CCNH: variants seen among roughly 807,000 people sequenced by gnomAD.
The protein encoded by CCNH is cyclin-H.
Under a neutral mutation model 41.9 loss-of-function variants are expected in CCNH, and 31 were observed. The ratio of observed to expected loss-of-function variants is 0.74; its 90% CI spans 0.56 to 1.00. CCNH has a LOEUF of 1.00. Ranked by LOEUF, CCNH falls within the 50% of genes least tolerant of loss-of-function variation. The pLI is 0.00. For missense variants in CCNH, 362 were observed against 388.4 expected, an observed-to-expected ratio of 0.93 and a Z score of 0.57; for synonymous variants, 138 against 136.1, an observed-to-expected ratio of 1.01 and a Z score of -0.10.
At chr5:87,334,102 T>A (rs1757787910) in intron 9 of CCNH, among the ~76,000 whole-genome samples, 1 of 152,146 alleles carries the variant, frequency 6.6e-6, no homozygotes, top group Non-Finnish European at 1.5e-5. Context: ...TAGAGGAGAT[T>A]TTTTTACGGA....
chr5:87,381,612 T>A (rs1761722379), upstream of CCNH, among the ~76,000 whole-genome samples: 1 of 152,192 alleles, frequency 6.6e-6, no homozygotes, highest in Admixed American at 6.6e-5. Context: ...ATATTTCTCT[T>A]GGTTATGATA....
At chr5:87,320,150 G>A (rs974931172) in intron 9 of CCNH, among the ~76,000 whole-genome samples, 3 of 152,120 alleles carry the variant, frequency 2.0e-5, no homozygotes, top group African/African-American at 7.2e-5. Context: ...GACCACATCA[G>A]CCTGGATTTT....
At chr5:87,401,045 T>C (rs565649604) in intron 6 of CCNH, among the ~76,000 whole-genome samples, 1 of 152,354 alleles carries the variant, frequency 6.6e-6, no homozygotes, top group African/African-American at 2.4e-5. Context: ...ACAAAAGTGG[T>C]GGCTTAAAAC....
chr5:87,361,968 AGAG>A lies in CCNH; in HGVS notation c.*90+30799_*90+30801del, dbSNP rs759203809. On this transcript the variant is annotated intron_variant and NMD_transcript_variant, in intron 9 of 9. Transcript: ENST00000645953. Reference sequence around the variant, plus strand: ...AAGCATGGGAATGTTGCAGAGTGGCAGAGGAGGATTATCTGAAATCATGGTTAT... The same window carrying A: ...AAGCATGGGAATGTTGCAGAGTGGCAGAGGATTATCTGAAATCATGGTTAT... Among the ~76,000 whole-genome samples the A allele has an allele frequency of 3.9e-5, 6 of 152,194 alleles. No homozygotes were observed. The South Asian group carries it at 6.2e-4, about 16-fold the overall frequency.
At chr5:87,346,708 T>C (rs1758888693) in intron 9 of CCNH, 3 of 1,551,466 alleles carry the variant, frequency 1.9e-6, no homozygotes, top group Non-Finnish European at 2.7e-6. Context: ...AGGAAGCTTA[T>C]AATTTACTAA....
chr5:87,396,399 A>T (rs1259901236), intron 7 of CCNH, among the ~76,000 whole-genome samples: 1 of 152,146 alleles, frequency 6.6e-6, no homozygotes, highest in Non-Finnish European at 1.5e-5. Flanking sequence ...AGGCGGGCGG[A>T]TCACGACGTC....
chr5:87,362,787 CTTG>C, intron 9 of CCNH: 1 of 1,208,856 alleles, frequency 8.3e-7, no homozygotes, highest in South Asian at 1.3e-5. Flanking sequence ...GTAATTGACA[CTTG>C]TTTAGAGCCC....
At chr5:87,378,863 C>T (rs115570467), upstream of CCNH, among the ~76,000 whole-genome samples, 1,800 of 152,234 alleles carry the variant, frequency 0.012, 28 homozygotes, top group African/African-American at 0.041. Context: ...GTTAGTGACT[C>T]ATTATATAAC....
rs1011559611 is a variant in CCNH, at chr5:87,360,749, C to A, written c.*90+32021G>T. 2.6e-5 allele frequency among the ~76,000 whole-genome samples: 4 copies of A among 152,076 alleles called. No homozygotes were observed. In the East Asian group the frequency reaches 7.7e-4, roughly 29 times the overall value. ...TGAGTTTGAGAAAATTCAAGTATAT[C>A]ATCATCTGAAAAATCACAGTCTGAG... On this transcript the variant is annotated intron_variant and NMD_transcript_variant, in intron 9 of 9. Transcript: ENST00000645953.
downstream of CCNH, among the ~76,000 whole-genome samples, chr5:87,316,954 C>T (rs922809197): frequency 6.6e-6 from 1 of 151,858 alleles, no homozygotes; most frequent in Admixed American, 6.6e-5. Context: ...GAAATCTCGG[C>T]TTACTGCAAC....
At chr5:87,395,018 G>C (rs1408749427) in intron 8 of CCNH, 26 bp downstream of exon 8, 1 of 1,610,932 alleles carries the variant, frequency 6.2e-7, no homozygotes, top group Non-Finnish European at 8.5e-7. Flanking sequence ...AAATAACTTA[G>C]AGTTCATCTT....
intron 7 of CCNH, among the ~76,000 whole-genome samples, 176 bp downstream of exon 7, chr5:87,399,218 A>G (rs1044610862): frequency 4.6e-5 from 7 of 152,246 alleles, no homozygotes; most frequent in Non-Finnish European, 7.3e-5. Flanking sequence ...AGAACTGCAC[A>G]GTGAATGCCG....
chr5:87,338,077 C>G (rs1439069181), intron 9 of CCNH: 1 of 1,611,984 alleles, frequency 6.2e-7, no homozygotes, highest in African/African-American at 1.3e-5. Flanking sequence ...TGTTGAAGAC[C>G]TAGTAGAAGA....
Position 87,408,113 on chromosome 5 carries a change from G to T in CCNH, c.388C>A (p.Arg130=). ...VSSPQFVGNL[R]ESPLGQEKAL... The stretch of plus-strand genomic sequence containing the variant: ...TTCTCCTGTCCAAGAGGACTCTCCC[G>T]GAGGTTTCCAACAAACTGAGGACTA... Residue 130 remains arginine (R), a synonymous_variant, in exon 4 of 9, where the codon CGG becomes AGG. Coordinates refer to ENST00000256897, the MANE Select transcript of CCNH (RefSeq NM_001239.4). The T allele has an allele frequency of 6.2e-7, 1 of 1,613,512 alleles. No homozygotes were observed. Among genetic ancestry groups the T allele is most frequent in the Non-Finnish European group, 8.5e-7 (1 of 1,179,632 alleles).
intron 9 of CCNH, chr5:87,383,833 C>A: frequency 2.9e-5 from 38 of 1,331,212 alleles, no homozygotes; most frequent in Non-Finnish European, 3.5e-5. Flanking sequence ...TTAACAGTTT[C>A]ATACTATTTA....
downstream of CCNH, among the ~76,000 whole-genome samples, chr5:87,373,987 CTGAA>C (rs1302074777): frequency 4.0e-5 from 6 of 151,382 alleles, no homozygotes; most frequent in South Asian, 1.3e-3. Context: ...TTTTAAATGT[CTGAA>C]TGTTTTAAGT....
At chr5:87,377,465 G>T (rs1761404104), upstream of CCNH, among the ~76,000 whole-genome samples, 1 of 152,020 alleles carries the variant, frequency 6.6e-6, no homozygotes, top group South Asian at 2.1e-4. Context: ...TAAGTAGCTG[G>T]GACTACAGGC....
In CCNH at chr5:87,411,333, T is replaced by A. The variant is rs772807882; in HGVS notation, c.131A>T (p.Asp44Val). The change falls in exon 2 of 9, where the codon GAT (aspartate) becomes GTT (valine). Residue 44 changes from aspartate to valine, a missense_variant. Physicochemically the swap from Asp to Val is radical, Grantham distance 152. Coordinates refer to ENST00000256897, the MANE Select transcript of CCNH (RefSeq NM_001239.4). ...AVANGKVLPN[D>V]PVFLEPHEEM... ...TTCATGAGGCTCAAGAAAGACTGGA[T>A]CATTCGGAAGAACCTTTAGATCAAC... 8 of 1,609,136 alleles carry A rather than the reference T, an allele frequency of 5.0e-6. No homozygotes were observed. In the Admixed American group the frequency reaches 1.4e-4, roughly 27 times the overall value.
intron 7 of CCNH, among the ~76,000 whole-genome samples, chr5:87,396,392 C>A (rs929077615): frequency 1.3e-5 from 2 of 152,008 alleles, no homozygotes; most frequent in African/African-American, 4.8e-5. Flanking sequence ...GAGGCTGAGG[C>A]GGGCGGATCA....
Sources: gnomAD v4.1 joint callset for allele counts (sites outside exome capture counted in the v4.1 genomes callset) on GRCh38, gnomAD v4.1.1 for gene constraint, MANE v1.5 for transcripts, NCBI Gene and HGNC (gene_info 2026-07-23, HGNC 2026-07-21) for gene names.